The following TENM3 variants were observed in gnomAD, a reference collection of about 807,000 sequenced individuals.
TENM3 encodes teneurin-3.
A neutral mutation model predicts 255.1 loss-of-function variants in TENM3; 63 were observed. That is an observed-to-expected ratio of 0.25 (90% CI 0.20 to 0.30). TENM3 has a LOEUF of 0.30. Among genes scored for constraint, TENM3 ranks in the 10% least tolerant of loss-of-function variants. The probability of loss-of-function intolerance (pLI) is 1.00; values close to 1 mark genes in which losing one functional copy is unlikely to be tolerated. For missense variants in TENM3, 2,929 were observed against 3,461.1 expected (o/e 0.85, Z 3.86); for synonymous variants, 1,306 against 1,322.3 (o/e 0.99, Z 0.27).
upstream of TENM3, among the ~76,000 whole-genome samples, chr4:182,240,422 G>C (rs1382882950): frequency 6.6e-6 from 1 of 152,166 alleles, no homozygotes; most frequent in Non-Finnish European, 1.5e-5. Flanking sequence ...GTCTTATCGG[G>C]ATTAATCTTT....
the TENM3 span, among the ~76,000 whole-genome samples, chr4:181,980,608 A>G: frequency 6.6e-6 from 1 of 152,088 alleles, no homozygotes; most frequent in Non-Finnish European, 1.5e-5. Context: ...CTTCTTTTCT[A>G]TTTTTAGTCT....
At chr4:182,167,849 G>C (rs1031529728) in intron 1 of TENM3, among the ~76,000 whole-genome samples, 1 of 152,114 alleles carries the variant, frequency 6.6e-6, no homozygotes, top group African/African-American at 2.4e-5. Context: ...ATGCCACTGT[G>C]CTCCAGCCTG....
At chr4:181,781,372 C>T in the TENM3 span, among the ~76,000 whole-genome samples, 1 of 152,216 alleles carries the variant, frequency 6.6e-6, no homozygotes, top group East Asian at 1.9e-4. Flanking sequence ...GTGTTTTATT[C>T]TCTTTGAAAC....
rs571469661 is a variant in TENM3 at position 182,509,510 on chromosome 4, A to G, written c.512-91414A>G. Among the ~76,000 whole-genome samples, 5 of 152,342 alleles carry G rather than the reference A, an allele frequency of 3.3e-5. No individual in the cohort carries two copies. The South Asian group carries it at 1.0e-3, about 32-fold the overall frequency. On this transcript the variant is annotated intron_variant, in intron 3 of 27. Transcript: ENST00000511685. Reference sequence around the variant, plus strand: ...CCTAGTTTTCTGGAATATTAGAAGGACAATATTACATAGAATTTTACTTTC... The same window carrying G: ...CCTAGTTTTCTGGAATATTAGAAGGGCAATATTACATAGAATTTTACTTTC...
chr4:182,483,000 C>T (rs1484345933), intron 3 of TENM3, among the ~76,000 whole-genome samples: 4 of 152,130 alleles, frequency 2.6e-5, no homozygotes, highest in African/African-American at 9.7e-5. Flanking sequence ...CCCAAATTTT[C>T]ATATTGCTTT....
intron 3 of TENM3, among the ~76,000 whole-genome samples, chr4:182,505,526 T>G (rs575974298): frequency 6.6e-6 from 1 of 152,256 alleles, no homozygotes. Context: ...TTGCCCAGGC[T>G]GGAGTGCAAT....
the TENM3 span, among the ~76,000 whole-genome samples, chr4:181,624,758 T>C: frequency 6.6e-6 from 1 of 152,176 alleles, no homozygotes; most frequent in Non-Finnish European, 1.5e-5. Context: ...TTGCCCACAG[T>C]TCTGCAGTTT....
intron 3 of TENM3, among the ~76,000 whole-genome samples, chr4:182,446,524 T>C (rs1293670317): frequency 6.6e-6 from 1 of 152,224 alleles, no homozygotes; most frequent in East Asian, 1.9e-4. Flanking sequence ...CTTATCTTTC[T>C]GCATTCGAAC....
intron 1 of TENM3, among the ~76,000 whole-genome samples, chr4:182,168,102 C>A (rs932761419): frequency 6.6e-6 from 1 of 151,772 alleles, no homozygotes; most frequent in Non-Finnish European, 1.5e-5. Flanking sequence ...TATGTTCACT[C>A]TACTCTTCAC....
At chr4:182,786,375 G>T (rs1302159459) in intron 24 of TENM3, among the ~76,000 whole-genome samples, 1 of 152,016 alleles carries the variant, frequency 6.6e-6, no homozygotes, top group East Asian at 1.9e-4. Context: ...TGGCCAACAT[G>T]GTGAGACCCC....
the TENM3 span, among the ~76,000 whole-genome samples, chr4:182,045,282 G>A: frequency 6.6e-6 from 1 of 151,838 alleles, no homozygotes; most frequent in Non-Finnish European, 1.5e-5. Flanking sequence ...AGGAGGGTCT[G>A]TACCCAAGGA....
At chr4:181,944,968 C>T in the TENM3 span, among the ~76,000 whole-genome samples, 4 of 152,092 alleles carry the variant, frequency 2.6e-5, no homozygotes, top group Non-Finnish European at 5.9e-5. Context: ...CTGAAACATG[C>T]TTGCCTCTCA....
the TENM3 span, among the ~76,000 whole-genome samples, chr4:181,826,262 A>C: frequency 6.6e-6 from 1 of 152,240 alleles, no homozygotes; most frequent in Non-Finnish European, 1.5e-5. Flanking sequence ...ATAACTAAAA[A>C]AAAATAAGCC....
chr4:182,353,150 T>G (rs1396364882), intron 3 of TENM3, among the ~76,000 whole-genome samples: 1 of 152,178 alleles, frequency 6.6e-6, no homozygotes, highest in Non-Finnish European at 1.5e-5. Context: ...GAGGTGTACT[T>G]TTTCACCTCA....
At chr4:182,717,369 GTGC>G (rs1481612740) in intron 13 of TENM3, among the ~76,000 whole-genome samples, 1 of 152,200 alleles carries the variant, frequency 6.6e-6, no homozygotes, top group Non-Finnish European at 1.5e-5. Flanking sequence ...TTTAACACCT[GTGC>G]TGCTTTCCAA....
the TENM3 span, among the ~76,000 whole-genome samples, chr4:181,647,594 A>G: frequency 6.6e-6 from 1 of 152,184 alleles, no homozygotes; most frequent in African/African-American, 2.4e-5. Context: ...AAGATAAAAC[A>G]ACAAATAAAA....
chr4:182,405,540 G>T (rs1175158715), intron 3 of TENM3, among the ~76,000 whole-genome samples: 4 of 152,184 alleles, frequency 2.6e-5, no homozygotes, highest in Non-Finnish European at 4.4e-5. Flanking sequence ...AATTAACAAA[G>T]AATTTGAAGT....
the TENM3 span, among the ~76,000 whole-genome samples, chr4:181,659,477 T>G: frequency 6.6e-6 from 1 of 152,200 alleles, no homozygotes; most frequent in African/African-American, 2.4e-5. Context: ...ATTAGAGAAT[T>G]ATTTTCTGAG....
intron 1 of TENM3, among the ~76,000 whole-genome samples, chr4:182,321,358 G>A (rs1301518960): frequency 6.6e-6 from 1 of 152,160 alleles, no homozygotes; most frequent in Non-Finnish European, 1.5e-5. Context: ...GGGCGCGGTG[G>A]CTCACTCCTG....
Sources: gnomAD v4.1 joint callset for allele counts (sites outside exome capture counted in the v4.1 genomes callset) on GRCh38, gnomAD v4.1.1 for gene constraint, MANE v1.5 for transcripts, NCBI Gene and HGNC (gene_info 2026-07-23, HGNC 2026-07-21) for gene names.